Variants in IL34 observed in about 807,000 individuals in gnomAD.
The protein encoded by IL34 is interleukin-34.
Under a neutral mutation model 25.3 loss-of-function variants are expected in IL34, and 17 were observed. That is an observed-to-expected ratio of 0.67 (90% CI 0.46 to 1.01). The LOEUF (loss-of-function observed/expected upper bound fraction) is 1.01. IL34 is among the 50% of genes least tolerant of loss of function. IL34 has a pLI of 0.00. For synonymous variants in IL34, 174 were observed against 140.9 expected, an observed-to-expected ratio of 1.23 and a Z score of -1.66; for missense variants, 368 against 312.9, an observed-to-expected ratio of 1.18 and a Z score of -1.33.
chr16:70,624,829 A>T (rs112506116), intron 1 of IL34, among the ~76,000 whole-genome samples: 2 of 150,874 alleles, frequency 1.3e-5, no homozygotes, highest in East Asian at 1.9e-4. Flanking sequence ...CTTGGCCTGG[A>T]GAGGAGGGGA....
At chr16:70,605,719 G>A (rs765078810) in intron 1 of IL34, among the ~76,000 whole-genome samples, 3 of 151,658 alleles carry the variant, frequency 2.0e-5, no homozygotes, top group Admixed American at 6.6e-5. Context: ...TGCCCAGACC[G>A]GAGTGCAGCA....
At position 70,660,025 on chromosome 16, in the gene IL34, G is replaced by A. The variant is rs1245298693; in HGVS notation, c.567G>A (p.Gln189=). 6.8e-6 allele frequency: 11 copies of A among 1,607,812 alleles called. No individual in the cohort carries two copies. Among genetic ancestry groups the A allele is most frequent in the Non-Finnish European group, 9.3e-6 (11 of 1,177,918 alleles). ...CCKQSSVLNW[Q]DCEVPSPQSC... ...AACAAAGCTCCGTCCTAAACTGGCAGGACTGTGAGGTGCCAAGTCCTCAGT... is the reference window on the plus strand; with the variant it reads ...AACAAAGCTCCGTCCTAAACTGGCAAGACTGTGAGGTGCCAAGTCCTCAGT... Residue 189 remains glutamine (Q), a synonymous_variant, in exon 6 of 6, where the codon CAG becomes CAA. Transcript: ENST00000288098.
chr16:70,603,343 G>A lies in IL34; in HGVS notation c.-401+23294G>A, dbSNP rs148236773. On this transcript the variant is annotated intron_variant, in intron 1 of 6. Coordinates refer to the IL34 transcript ENST00000429149. ...TGCCCAGGCTAGAGTGCAGTGGTGC[G>A]ATCTCGGCTCACCGCAACCTCCACC... is the stretch of plus-strand genomic sequence containing the variant. Among the ~76,000 whole-genome samples the A allele has an allele frequency of 6.2e-3, 940 of 152,132 alleles. 16 individuals carry two copies. The highest frequency in any genetic ancestry group is 0.021 in the African/African-American group (883 of 41,490).
intron 1 of IL34, among the ~76,000 whole-genome samples, chr16:70,619,137 G>A (rs2051223531): frequency 1.3e-5 from 2 of 152,114 alleles, no homozygotes; most frequent in African/African-American, 4.8e-5. Flanking sequence ...GGAGTTTATA[G>A]GCTTTAAAAG....
intron 1 of IL34, among the ~76,000 whole-genome samples, chr16:70,619,062 A>G (rs1044604588): frequency 3.9e-5 from 6 of 152,220 alleles, no homozygotes; most frequent in African/African-American, 1.2e-4. Flanking sequence ...TTGATAAGGC[A>G]TAGATCCTGA....
Position 70,654,575 on chromosome 16 carries a change from G to C in IL34, c.66G>C (p.Glu22Asp). 1.2e-6 allele frequency: 2 copies of C among 1,613,596 alleles called. No individual in the cohort carries two copies. Among genetic ancestry groups the C allele is most frequent in the Admixed American group, 1.7e-5 (1 of 59,980 alleles). Reference protein sequence around the residue: ...GIFLGVALGNEPLEMWPLTQN... With the variant: ...GIFLGVALGNDPLEMWPLTQN... ...TCCTTGGCGTGGCCTTGGGGAATGA[G>C]CCTTTGGAGATGTGGCCCTTGACGC... The change falls in exon 2 of 6, where the codon GAG becomes GAC. Residue 22 changes from glutamate (E) to aspartate (D), a missense_variant. By Grantham distance (45) the Glu-to-Asp change is conservative. Transcript: ENST00000288098.
chr16:70,642,288 T>A (rs537996742), upstream of IL34, among the ~76,000 whole-genome samples: 138 of 148,698 alleles, frequency 9.3e-4, no homozygotes, highest in South Asian at 3.6e-3. Context: ...GAGCGTACTC[T>A]GATGTCTTTT....
intron 1 of IL34, among the ~76,000 whole-genome samples, chr16:70,591,395 C>T (rs1394839095): frequency 6.6e-6 from 1 of 151,974 alleles, no homozygotes; most frequent in Non-Finnish European, 1.5e-5. Flanking sequence ...CTGGCAGGGA[C>T]AGCAGTTTAT....
chr16:70,608,640 C>G (rs1325079289), intron 1 of IL34, among the ~76,000 whole-genome samples: 8 of 152,192 alleles, frequency 5.3e-5, no homozygotes. Context: ...GCCTCTGCCG[C>G]CAACTCTGAG....
At chr16:70,620,727 A>AT (rs34521202) in intron 1 of IL34, among the ~76,000 whole-genome samples, 71,148 of 151,864 alleles carry the variant, frequency 0.47, 16,989 homozygotes, top group South Asian at 0.64. Flanking sequence ...AATTATTTAG[A>AT]TTTGCAGGAT....
intron 1 of IL34, among the ~76,000 whole-genome samples, chr16:70,605,754 TCTGCCTCCCGGGTTCAAGCGATTTTC>T (rs2050993027): frequency 6.6e-6 from 1 of 152,040 alleles, no homozygotes; most frequent in East Asian, 1.9e-4. Flanking sequence ...CACTGCAACA[TCTGCCTCCCGGGTTCAAGCGATTTTC>T]CTGCCTCAGC....
At chr16:70,641,316 C>T (rs1004935147) in intron 1 of IL34, among the ~76,000 whole-genome samples, 1 of 151,980 alleles carries the variant, frequency 6.6e-6, no homozygotes, top group African/African-American at 2.4e-5. Flanking sequence ...AAAACTTGCA[C>T]ATGGATTTTC....
chr16:70,595,809 C>T (rs1033101064), intron 1 of IL34, among the ~76,000 whole-genome samples: 3 of 151,658 alleles, frequency 2.0e-5, no homozygotes, highest in African/African-American at 4.8e-5. Flanking sequence ...GTCAAGAGTT[C>T]GAGACCAGCT....
intron 1 of IL34, among the ~76,000 whole-genome samples, chr16:70,653,346 CAA>C (rs200626111): frequency 4.3e-4 from 37 of 86,834 alleles, no homozygotes; most frequent in Non-Finnish European, 7.1e-4. Flanking sequence ...AACCCTGTCT[CAA>C]AAAAAAAAAA....
intron 1 of IL34, among the ~76,000 whole-genome samples, chr16:70,590,855 G>A (rs940989498): frequency 6.6e-6 from 1 of 152,148 alleles, no homozygotes; most frequent in African/African-American, 2.4e-5. Flanking sequence ...CCCGCCCCTG[G>A]CAGTCAGTTC....
intron 1 of IL34, among the ~76,000 whole-genome samples, chr16:70,592,335 C>A (rs549870930): frequency 1.3e-5 from 2 of 152,134 alleles, no homozygotes; most frequent in African/African-American, 4.8e-5. Flanking sequence ...CCCCAGTGCA[C>A]CCCACCCTGA....
At chr16:70,651,319 A>T (rs1156748234) in intron 1 of IL34, among the ~76,000 whole-genome samples, 1 of 152,172 alleles carries the variant, frequency 6.6e-6, no homozygotes, top group Non-Finnish European at 1.5e-5. Flanking sequence ...TGAGGGGTTC[A>T]GGACTTAGGA....
At chr16:70,627,763 C>T (rs917424761) in intron 1 of IL34, among the ~76,000 whole-genome samples, 1 of 152,124 alleles carries the variant, frequency 6.6e-6, no homozygotes, top group Non-Finnish European at 1.5e-5. Flanking sequence ...GCCAGTGTGC[C>T]TGGCCCTTAT....
At chr16:70,621,246 A>G (rs1216764985) in intron 1 of IL34, among the ~76,000 whole-genome samples, 2 of 152,122 alleles carry the variant, frequency 1.3e-5, no homozygotes, top group African/African-American at 4.8e-5. Context: ...ATAATCAGAG[A>G]GGCGTCCCTG....
Sources: allele counts gnomAD v4.1 joint callset (sites outside exome capture counted in the v4.1 genomes callset), GRCh38; gene constraint gnomAD v4.1.1; transcripts MANE v1.5; gene names NCBI Gene and HGNC (gene_info 2026-07-23, HGNC 2026-07-21).